PCDHGC3: variants seen among roughly 807,000 people sequenced by gnomAD.
PCDHGC3 encodes protocadherin gamma-C3.
PCDHGC3 carries 26 observed loss-of-function variants against 59.2 expected under a neutral mutation model. The observed-to-expected ratio is 0.44, with a 90% CI of 0.32 to 0.61. The LOEUF is 0.61. PCDHGC3 is among the 20% of genes least tolerant of loss of function. The pLI, the probability that PCDHGC3 is intolerant of heterozygous loss-of-function variation, is 0.05. For synonymous variants in PCDHGC3, 487 were observed against 519.7 expected, an observed-to-expected ratio of 0.94 and a Z score of 0.86; for missense variants, 1,080 against 1,221.8, an observed-to-expected ratio of 0.88 and a Z score of 1.73.
At chr5:141,508,535 C>CA (rs1426956469) in intron 3 of PCDHGC3, among the ~76,000 whole-genome samples, 1 of 152,172 alleles carries the variant, frequency 6.6e-6, no homozygotes, top group Admixed American at 6.5e-5. Flanking sequence ...GGGCACCCCC[C>CA]ACGAGGTGGG....
At chr5:141,499,730 T>C (rs1412528402) in intron 2 of PCDHGC3, among the ~76,000 whole-genome samples, 1 of 143,912 alleles carries the variant, frequency 6.9e-6, no homozygotes, top group East Asian at 2.1e-4. Context: ...AGTCTCACTC[T>C]CTTGCCCAGG....
chr5:141,500,036 T>C (rs1001193977), intron 2 of PCDHGC3, among the ~76,000 whole-genome samples: 8 of 152,176 alleles, frequency 5.3e-5, no homozygotes, highest in African/African-American at 1.9e-4. Flanking sequence ...TGAGTGTCTC[T>C]TAAGTATCTT....
intron 2 of PCDHGC3, among the ~76,000 whole-genome samples, chr5:141,496,335 C>G (rs2099768099): frequency 1.3e-5 from 2 of 152,204 alleles, no homozygotes; most frequent in Admixed American, 6.5e-5. Flanking sequence ...AAGTCAGGAG[C>G]CTGGAGGAGT....
intron 1 of PCDHGC3, chr5:141,479,537 T>C (rs1299169562): frequency 6.6e-6 from 1 of 152,230 alleles, no homozygotes; most frequent in Non-Finnish European, 1.5e-5. Context: ...GTGGAGAAGG[T>C]CAAAACTGCT....
chr5:141,487,100 C>A lies in PCDHGC3; in HGVS notation c.2431-7707C>A. ...CCCAGCTGACCTCCCACCACAGAAGCTGGTCATTGTGGTAAAGGATAGTGG... is the reference window on the plus strand; with the variant it reads ...CCCAGCTGACCTCCCACCACAGAAGATGGTCATTGTGGTAAAGGATAGTGG... On this transcript the variant is annotated intron_variant, in intron 1 of 3. Coordinates refer to ENST00000308177, the MANE Select transcript of PCDHGC3 (RefSeq NM_002588.4). This position sits in a 1 kb window ranked among gnomAD's most constrained non-coding sequence, Gnocchi z 5.0. The A allele has an allele frequency of 1.2e-6, 2 of 1,614,076 alleles. No homozygotes were observed. The highest frequency in any genetic ancestry group is 1.7e-6 in the Non-Finnish European group (2 of 1,179,960).
chr5:141,484,230 G>A (rs1325484143), intron 1 of PCDHGC3, among the ~76,000 whole-genome samples: 2 of 152,174 alleles, frequency 1.3e-5, no homozygotes, highest in Non-Finnish European at 2.9e-5. Flanking sequence ...CAGGTAAAGA[G>A]ATCTGGTCCT....
chr5:141,477,344 A>C lies in PCDHGC3; in HGVS notation c.1228A>C (p.Lys410Gln). The change falls in exon 1 of 4, where the codon AAA becomes CAA. Residue 410 changes from lysine (K) to glutamine (Q), a missense_variant. Coordinates refer to ENST00000308177, the MANE Select transcript of PCDHGC3 (RefSeq NM_002588.4). The surrounding 1 kb of genome is among the most constrained non-coding windows in gnomAD (Gnocchi z 4.9). The part of the protein sequence containing the change: ...TSSLKNYFTL[K>Q]TSADLDRETV... Reference sequence around the variant, plus strand: ...TTCCCTCAAGAATTACTTCACTTTGAAAACCAGTGCAGACCTGGATCGGGA... The same window carrying C: ...TTCCCTCAAGAATTACTTCACTTTGCAAACCAGTGCAGACCTGGATCGGGA... 6.2e-7 allele frequency: 1 copy of C among 1,614,154 alleles called. No homozygotes were observed. The highest frequency in any genetic ancestry group is 8.5e-7 in the Non-Finnish European group (1 of 1,180,034).
chr5:141,476,271 C>T lies in PCDHGC3; in HGVS notation c.155C>T (p.Ala52Val). Reference protein sequence around the residue: ...EKGFAVGNVVANLGLDLGSLS... With the variant: ...EKGFAVGNVVVNLGLDLGSLS... Reference sequence around the variant, plus strand: ...GGTTTCGCTGTGGGCAACGTGGTCGCGAACCTTGGTTTGGATCTCGGTAGC... The same window carrying T: ...GGTTTCGCTGTGGGCAACGTGGTCGTGAACCTTGGTTTGGATCTCGGTAGC... The change falls in exon 1 of 4, where the codon GCG becomes GTG. Residue 52 changes from alanine to valine, a missense_variant. Coordinates refer to ENST00000308177, the MANE Select transcript of PCDHGC3 (RefSeq NM_002588.4). This position sits in a 1 kb window ranked among gnomAD's most constrained non-coding sequence, Gnocchi z 7.6. 4 of 1,613,892 alleles carry T rather than the reference C, an allele frequency of 2.5e-6. No homozygotes were observed. The highest frequency in any genetic ancestry group is 3.4e-6 in the Non-Finnish European group (4 of 1,179,974).
chr5:141,494,607 C>T (rs2099755630), intron 1 of PCDHGC3, among the ~76,000 whole-genome samples, 200 bp from the exon 2 acceptor site: 2 of 152,092 alleles, frequency 1.3e-5, no homozygotes, highest in South Asian at 2.1e-4. Flanking sequence ...TGTGATTTAT[C>T]TCTTGGTTTC....
At chr5:141,505,579 G>A (rs1047837546) in intron 3 of PCDHGC3, 98 bp downstream of exon 3, 6 of 1,588,858 alleles carry the variant, frequency 3.8e-6, no homozygotes, top group Non-Finnish European at 4.3e-6. Flanking sequence ...TCAAACCTGT[G>A]TAGTTTCTCC....
intron 3 of PCDHGC3, among the ~76,000 whole-genome samples, chr5:141,506,473 G>A (rs976701500): frequency 2.7e-4 from 40 of 150,506 alleles, no homozygotes; most frequent in Admixed American, 1.5e-3. Flanking sequence ...AAAGAGCACA[G>A]GCTTTAGAGG....
rs2154591356 is a variant in PCDHGC3, at chr5:141,493,972, C to G, written c.2431-835C>G. Among the ~76,000 whole-genome samples, 6 of 152,276 alleles carry G rather than the reference C, an allele frequency of 3.9e-5. No homozygotes were observed. In the Middle Eastern group the frequency reaches 0.014, roughly 345 times the overall value. On this transcript the variant is annotated intron_variant, in intron 1 of 3. Coordinates refer to ENST00000308177, the MANE Select transcript of PCDHGC3 (RefSeq NM_002588.4). This position sits in a 1 kb window ranked among gnomAD's most constrained non-coding sequence, Gnocchi z 4.3. ...CAGGAATGAAGTGGCTGGCCAGAGC[C>G]CCACACCTTCAGCTAGGTGGGAGAT...
chr5:141,494,185 GAC>G (rs2099752607), intron 1 of PCDHGC3, among the ~76,000 whole-genome samples: 1 of 152,154 alleles, frequency 6.6e-6, no homozygotes, highest in Non-Finnish European at 1.5e-5. Context: ...AGTGTCCCGG[GAC>G]TTGGATGCCC....
At chr5:141,478,735 G>T in intron 1 of PCDHGC3, 189 bp downstream of exon 1, 1 of 1,535,968 alleles carries the variant, frequency 6.5e-7, no homozygotes, top group Non-Finnish European at 8.8e-7. Flanking sequence ...AGTGTGGTTT[G>T]TGGTCCCATT....
chr5:141,499,037 G>A (rs912832519), intron 2 of PCDHGC3, among the ~76,000 whole-genome samples: 1 of 150,904 alleles, frequency 6.6e-6, no homozygotes, highest in South Asian at 2.1e-4. Context: ...AGAAAAGAAA[G>A]AAAAAGGGAG....
intron 1 of PCDHGC3, among the ~76,000 whole-genome samples, chr5:141,482,767 A>G (rs2099572087): frequency 6.6e-6 from 1 of 150,474 alleles, no homozygotes; most frequent in East Asian, 1.9e-4. Flanking sequence ...TTTCATTATC[A>G]CTGAACCTTA....
At chr5:141,496,662 T>A (rs557106775) in intron 2 of PCDHGC3, among the ~76,000 whole-genome samples, 1 of 152,344 alleles carries the variant, frequency 6.6e-6, no homozygotes, top group African/African-American at 2.4e-5. Flanking sequence ...TGACCCCAGC[T>A]GTTGTCCTTC....
intron 1 of PCDHGC3, among the ~76,000 whole-genome samples, chr5:141,480,839 G>A (rs1397361640): frequency 6.6e-6 from 1 of 152,196 alleles, no homozygotes; most frequent in Non-Finnish European, 1.5e-5. Context: ...AAGATCAGGA[G>A]TTTGAGACCA....
chr5:141,487,423 C>T lies in PCDHGC3; in HGVS notation c.2431-7384C>T. 1 of 1,614,158 alleles carries T rather than the reference C, an allele frequency of 6.2e-7. No homozygotes were observed. Among genetic ancestry groups the T allele is most frequent in the Non-Finnish European group, 8.5e-7 (1 of 1,180,012 alleles). On this transcript the variant is annotated intron_variant, in intron 1 of 3. Transcript: ENST00000308177. The surrounding 1 kb of genome is among the most constrained non-coding windows in gnomAD (Gnocchi z 5.0). ...GGCTTCCCCCTTCCAATGGGATCCTCCGAATCCAGCTAGGGTCAGATGACC... is the reference window on the plus strand; with the variant it reads ...GGCTTCCCCCTTCCAATGGGATCCTTCGAATCCAGCTAGGGTCAGATGACC...
Sources: allele counts gnomAD v4.1 joint callset (sites outside exome capture counted in the v4.1 genomes callset), GRCh38; gene constraint gnomAD v4.1.1; non-coding constraint Gnocchi (gnomAD v3.1); transcripts MANE v1.5; gene names NCBI Gene and HGNC (gene_info 2026-07-23, HGNC 2026-07-21).